The following TMEM132C variants were observed in gnomAD, a reference collection of about 807,000 sequenced individuals.
TMEM132C encodes protein phosphatase 1, regulatory subunit 152.
TMEM132C carries 29 observed loss-of-function variants against 61.4 expected under a neutral mutation model. The ratio of observed to expected loss-of-function variants is 0.47; its 90% confidence interval spans 0.35 to 0.64. TMEM132C has a LOEUF of 0.64. Ranked by LOEUF, TMEM132C falls within the 30% of genes least tolerant of loss-of-function variation. The probability of loss-of-function intolerance (pLI) is 0.00; values close to 1 mark genes in which losing one functional copy is unlikely to be tolerated. For synonymous variants in TMEM132C, 656 were observed against 633.1 expected (o/e 1.04, Z -0.54); for missense variants, 1,408 against 1,476.9 (o/e 0.95, Z 0.76).
chr12:128,507,798 A>G (rs1670040243), intron 2 of TMEM132C, among the ~76,000 whole-genome samples: 1 of 152,210 alleles, frequency 6.6e-6, no homozygotes, highest in Non-Finnish European at 1.5e-5. Context: ...GGCTCCGCAG[A>G]CTTCTCTGTG....
chr12:128,568,749 A>G (rs12314622), intron 3 of TMEM132C, among the ~76,000 whole-genome samples: 9,799 of 152,176 alleles, frequency 0.064, 1,108 homozygotes, highest in African/African-American at 0.22. Context: ...AGGTGGACGC[A>G]CAAAACAGGC....
intron 1 of TMEM132C, among the ~76,000 whole-genome samples, chr12:128,390,563 G>A (rs189126227): frequency 1.3e-4 from 20 of 152,232 alleles, no homozygotes; most frequent in African/African-American, 4.8e-4. Context: ...CAGCCGACTG[G>A]CCACCTGCCT....
At chr12:128,696,564 A>G (rs1368439087) in intron 7 of TMEM132C, among the ~76,000 whole-genome samples, 4 of 152,192 alleles carry the variant, frequency 2.6e-5, no homozygotes, top group Non-Finnish European at 5.9e-5. Flanking sequence ...TCTCTTTGAA[A>G]TCCTGCTCCT....
intron 4 of TMEM132C, 93 bp from the exon 5 acceptor site, chr12:128,669,324 G>A (rs1291464190): frequency 3.5e-6 from 5 of 1,442,748 alleles, no homozygotes; most frequent in Admixed American, 2.1e-5. Flanking sequence ...GGACAGCCTG[G>A]TGTTTACCCT....
chr12:128,521,956 C>G (rs117646367), intron 2 of TMEM132C, among the ~76,000 whole-genome samples: 2 of 152,140 alleles, frequency 1.3e-5, no homozygotes, highest in Non-Finnish European at 2.9e-5. Flanking sequence ...AAATAATTCA[C>G]TCAGTCTCAT....
At chr12:128,634,443 C>T (rs1373837310) in intron 4 of TMEM132C, among the ~76,000 whole-genome samples, 1 of 152,276 alleles carries the variant, frequency 6.6e-6, no homozygotes, top group East Asian at 1.9e-4. Flanking sequence ...CAGTGCTTCT[C>T]TATCTGAGGA....
At chr12:128,277,757 C>T (rs919710699) in intron 1 of TMEM132C, among the ~76,000 whole-genome samples, 1 of 152,222 alleles carries the variant, frequency 6.6e-6, no homozygotes, top group African/African-American at 2.4e-5. Context: ...GTGTGCTCCA[C>T]ATTGTGGGGG....
chr12:128,282,463 A>G (rs542167254), intron 1 of TMEM132C, among the ~76,000 whole-genome samples: 1 of 152,350 alleles, frequency 6.6e-6, no homozygotes, highest in South Asian at 2.1e-4. Context: ...GGCAAAAGGA[A>G]AAGTGTCCCT....
intron 8 of TMEM132C, among the ~76,000 whole-genome samples, chr12:128,699,010 G>A (rs1240341907): frequency 6.6e-6 from 1 of 152,206 alleles, no homozygotes; most frequent in Non-Finnish European, 1.5e-5. Context: ...CTAGGGGCTT[G>A]TGTTCTTCTA....
intron 1 of TMEM132C, among the ~76,000 whole-genome samples, chr12:128,379,406 C>G (rs1874330156): frequency 6.6e-6 from 1 of 152,206 alleles, no homozygotes; most frequent in South Asian, 2.1e-4. Context: ...ACAACCTATT[C>G]CAGTTGCCTG....
At chr12:128,510,130 T>C (rs1202327781) in intron 2 of TMEM132C, among the ~76,000 whole-genome samples, 1 of 152,162 alleles carries the variant, frequency 6.6e-6, no homozygotes, top group Non-Finnish European at 1.5e-5. Flanking sequence ...GTCCAGGGGA[T>C]TAAGGTGAGG....
intron 1 of TMEM132C, among the ~76,000 whole-genome samples, chr12:128,275,380 G>A (rs1439696265): frequency 2.0e-5 from 3 of 152,186 alleles, no homozygotes; most frequent in African/African-American, 7.2e-5. Flanking sequence ...GTGCATGCGA[G>A]GGGCCTAGGT....
chr12:128,474,379 C>T (rs1363012982), intron 2 of TMEM132C, among the ~76,000 whole-genome samples: 1 of 152,180 alleles, frequency 6.6e-6, no homozygotes, highest in African/African-American at 2.4e-5. Flanking sequence ...CCAGCTCCCT[C>T]AATTGTTGCT....
chr12:128,395,429 C>T (rs1165651142), intron 1 of TMEM132C, among the ~76,000 whole-genome samples: 1 of 152,118 alleles, frequency 6.6e-6, no homozygotes, highest in East Asian at 1.9e-4. Flanking sequence ...GGCAATGTGC[C>T]CAGTTAAAAA....
chr12:128,655,231 CCT>C (rs1251555227), intron 4 of TMEM132C, among the ~76,000 whole-genome samples: 1 of 152,150 alleles, frequency 6.6e-6, no homozygotes, highest in East Asian at 1.9e-4. Flanking sequence ...TCTTTTCTCC[CCT>C]GATGAGAGGA....
intron 2 of TMEM132C, among the ~76,000 whole-genome samples, chr12:128,524,912 G>A (rs772725887): frequency 2.6e-5 from 4 of 152,152 alleles, no homozygotes; most frequent in Admixed American, 1.3e-4. Flanking sequence ...CTGTGAATAC[G>A]GAAATGCCCT....
chr12:128,621,428 G>A (rs1953961410), intron 4 of TMEM132C, among the ~76,000 whole-genome samples: 1 of 152,212 alleles, frequency 6.6e-6, no homozygotes, highest in Non-Finnish European at 1.5e-5. Context: ...GGCCATGTGA[G>A]GATGGTGGCA....
At chr12:128,416,866 C>G (rs1230195767) in intron 2 of TMEM132C, among the ~76,000 whole-genome samples, 4 of 152,136 alleles carry the variant, frequency 2.6e-5, no homozygotes, top group Non-Finnish European at 5.9e-5. Flanking sequence ...TGCTATGACA[C>G]CCCTTTCAGC....
chr12:128,616,197 A>T lies in TMEM132C; in HGVS notation c.1167A>T (p.Ile389=), dbSNP rs1442109946. ...AGGTTGTGCAGATGAACTTTGAAAT[A>T]GCCAGTTTCAGCAGCCTTTCAGGGA... ...FNEVVQMNFE[I]ASFSSLSGTQ... The change falls in exon 4 of 9, where the codon ATA becomes ATT. Residue 389 remains isoleucine, a synonymous_variant. Coordinates refer to ENST00000435159, the MANE Select transcript of TMEM132C (RefSeq NM_001136103.3). 2 of 1,551,764 alleles carry T rather than the reference A, an allele frequency of 1.3e-6. No homozygotes were observed. The highest frequency in any genetic ancestry group is 1.7e-6 in the Non-Finnish European group (2 of 1,146,998).
Sources: allele counts gnomAD v4.1 joint callset (sites outside exome capture counted in the v4.1 genomes callset), GRCh38; gene constraint gnomAD v4.1.1; transcripts MANE v1.5; gene names NCBI Gene and HGNC (gene_info 2026-07-23, HGNC 2026-07-21).